The following CNTN6 variants were observed in gnomAD, a reference collection of about 807,000 sequenced individuals.
The protein encoded by CNTN6 is contactin-6.
CNTN6 carries 137 observed loss-of-function variants against 122.8 expected under a neutral mutation model. The observed-to-expected ratio is 1.12, with a 90% CI of 0.97 to 1.29. The LOEUF is 1.29. Ranked by LOEUF, CNTN6 falls within the 50% of genes most tolerant of loss-of-function variation. The pLI, the probability that CNTN6 is intolerant of heterozygous loss-of-function variation, is 0.00. For missense variants in CNTN6, 1,634 were observed against 1,223.4 expected (o/e 1.34, Z -5.01); for synonymous variants, 570 against 426.0 (o/e 1.34, Z -4.16).
chr3:1,267,600 A>T (rs10470603), intron 4 of CNTN6, among the ~76,000 whole-genome samples: 3 of 152,110 alleles, frequency 2.0e-5, no homozygotes, highest in African/African-American at 7.2e-5. Context: ...ATTGGAGAAA[A>T]ATTGGAATGC....
At chr3:1,108,944 A>G (rs994105971) in intron 1 of CNTN6, among the ~76,000 whole-genome samples, 2 of 152,054 alleles carry the variant, frequency 1.3e-5, no homozygotes, top group Non-Finnish European at 2.9e-5. Flanking sequence ...TAGAATTACC[A>G]TTTAAAATAT....
intron 20 of CNTN6, among the ~76,000 whole-genome samples, chr3:1,388,952 G>A (rs1409957462): frequency 4.2e-5 from 6 of 141,810 alleles, no homozygotes; most frequent in African/African-American, 1.6e-4. Context: ...GTACCTGAAA[G>A]TGATGGGGAG....
chr3:1,339,667 C>A (rs1041007317), intron 11 of CNTN6, among the ~76,000 whole-genome samples: 2 of 152,064 alleles, frequency 1.3e-5, no homozygotes, highest in East Asian at 3.9e-4. Context: ...ACGAGACTGT[C>A]TTACTGTATA....
At chr3:1,163,141 A>C (rs1314149820) in intron 2 of CNTN6, among the ~76,000 whole-genome samples, 1 of 152,198 alleles carries the variant, frequency 6.6e-6, no homozygotes, top group Non-Finnish European at 1.5e-5. Context: ...TGATGAAAGA[A>C]TATATGAGGA....
At chr3:1,398,380 A>G (rs973457685) in intron 20 of CNTN6, among the ~76,000 whole-genome samples, 1 of 152,164 alleles carries the variant, frequency 6.6e-6, no homozygotes, top group African/African-American at 2.4e-5. Context: ...ACTAAGAGAT[A>G]TTCTAAGATA....
At chr3:1,240,205 C>A (rs555635721) in intron 4 of CNTN6, among the ~76,000 whole-genome samples, 1 of 152,050 alleles carries the variant, frequency 6.6e-6, no homozygotes, top group Admixed American at 6.6e-5. Flanking sequence ...TCTGCACAGC[C>A]AAAGAAATAA....
chr3:1,276,475 T>G lies in CNTN6; in HGVS notation c.359-1938T>G, dbSNP rs866011134. Among the ~76,000 whole-genome samples, 16 of 152,340 alleles carry G rather than the reference T, an allele frequency of 1.1e-4. No individual in the cohort carries two copies. The Middle Eastern group carries it at 0.014, about 130-fold the overall frequency. Reference sequence around the variant, plus strand: ...AATCCATTTTATTTGTATTTTAAATTTAAACCAAATGTATTGTACGTACAT... The same window carrying G: ...AATCCATTTTATTTGTATTTTAAATGTAAACCAAATGTATTGTACGTACAT... On this transcript the variant is annotated intron_variant, in intron 4 of 22. Transcript: ENST00000446702.
chr3:1,122,759 C>T (rs1013666622), intron 1 of CNTN6, among the ~76,000 whole-genome samples: 4 of 151,842 alleles, frequency 2.6e-5, no homozygotes, highest in Admixed American at 6.6e-5. Flanking sequence ...GGTTTATCTA[C>T]GTTTCGGCGT....
intron 17 of CNTN6, among the ~76,000 whole-genome samples, chr3:1,380,579 T>C (rs1691714603): frequency 2.6e-5 from 4 of 152,154 alleles, no homozygotes; most frequent in Admixed American, 2.0e-4. Flanking sequence ...GATACATACC[T>C]ACACTGAGGG....
In CNTN6 at chr3:1,403,391, C is replaced by G. The variant is rs1320683242; in HGVS notation, c.3060C>G (p.His1020Gln). 10 of 1,610,354 alleles carry G rather than the reference C, an allele frequency of 6.2e-6. No homozygotes were observed. The highest frequency in any genetic ancestry group is 1.3e-5 in the African/African-American group (1 of 74,906). ...TTTCCATTGTCATTGTGATTTTTCA[C>G]TGTTTTGCTATTCAGCCACTTATCT... is the stretch of plus-strand genomic sequence containing the variant. ...HFLSIVIVIF[H>Q]CFAIQPLI The change falls in exon 23 of 23, where the codon CAC becomes CAG. Residue 1020 changes from histidine to glutamine, a missense_variant. Transcript: ENST00000446702.
intron 7 of CNTN6, among the ~76,000 whole-genome samples, chr3:1,301,509 T>A (rs1697411447): frequency 6.6e-6 from 1 of 152,134 alleles, no homozygotes; most frequent in Admixed American, 6.5e-5. Flanking sequence ...CCGTTGAACA[T>A]GAAATAATGT....
intron 7 of CNTN6, among the ~76,000 whole-genome samples, chr3:1,320,875 A>G (rs1023854966): frequency 4.6e-5 from 7 of 151,746 alleles, no homozygotes; most frequent in Non-Finnish European, 8.8e-5. Context: ...CCTTTGAAAG[A>G]TACCCATATT....
intron 6 of CNTN6, among the ~76,000 whole-genome samples, chr3:1,296,663 G>A (rs1696292838): frequency 6.6e-6 from 1 of 152,108 alleles, no homozygotes. Context: ...AAGTCCCATA[G>A]AAGGAGTTCT....
chr3:1,362,145 A>G (rs1707553512), intron 12 of CNTN6, among the ~76,000 whole-genome samples: 1 of 152,154 alleles, frequency 6.6e-6, no homozygotes, highest in Non-Finnish European at 1.5e-5. Flanking sequence ...TCCAGACTCA[A>G]TTCATATCAG....
At chr3:1,102,845 C>T (rs967864619) in intron 1 of CNTN6, among the ~76,000 whole-genome samples, 6 of 150,588 alleles carry the variant, frequency 4.0e-5, no homozygotes, top group Non-Finnish European at 5.9e-5. Flanking sequence ...CTGTGGCTCA[C>T]GCCTGTAATC....
At chr3:1,396,726 T>C (rs1301195298) in intron 20 of CNTN6, among the ~76,000 whole-genome samples, 1 of 152,204 alleles carries the variant, frequency 6.6e-6, no homozygotes, top group Non-Finnish European at 1.5e-5. Context: ...CTTTATAAGT[T>C]TGTTGCAGAA....
At chr3:1,253,728 C>T (rs1227705497) in intron 4 of CNTN6, among the ~76,000 whole-genome samples, 1 of 152,096 alleles carries the variant, frequency 6.6e-6, no homozygotes, top group African/African-American at 2.4e-5. Flanking sequence ...TCTAACACCG[C>T]TGTTGATCTG....
chr3:1,300,590 AAAGAAAG>A (rs1422230234), intron 7 of CNTN6, among the ~76,000 whole-genome samples: 28 of 125,452 alleles, frequency 2.2e-4, no homozygotes, highest in Non-Finnish European at 3.8e-4. Flanking sequence ...AGAAAGAAAG[AAAGAAAG>A]AAAGAAAGAG....
chr3:1,302,043 C>T (rs1697520089), intron 7 of CNTN6, among the ~76,000 whole-genome samples: 1 of 152,096 alleles, frequency 6.6e-6, no homozygotes, highest in Non-Finnish European at 1.5e-5. Context: ...TAAAAGGCGA[C>T]ACACTCACTA....
Sources: allele counts gnomAD v4.1 joint callset (sites outside exome capture counted in the v4.1 genomes callset), GRCh38; gene constraint gnomAD v4.1.1; transcripts MANE v1.5; gene names NCBI Gene and HGNC (gene_info 2026-07-23, HGNC 2026-07-21).